CHIC2: variants seen among roughly 807,000 people sequenced by gnomAD.
CHIC2 encodes cysteine rich hydrophobic domain 2.
CHIC2 carries 14 observed loss-of-function variants against 25.9 expected under a neutral mutation model. The ratio of observed to expected loss-of-function variants is 0.54; its 90% CI spans 0.36 to 0.85. The LOEUF is 0.85. Ranked by LOEUF, CHIC2 falls within the 40% of genes least tolerant of loss-of-function variation. The pLI, the probability that CHIC2 is intolerant of heterozygous loss-of-function variation, is 0.01. For missense variants in CHIC2, 146 were observed against 202.0 expected, an observed-to-expected ratio of 0.72 and a Z score of 1.68; for synonymous variants, 70 against 72.0, an observed-to-expected ratio of 0.97 and a Z score of 0.14.
At chr4:54,083,017 TC>T in the CHIC2 span, among the ~76,000 whole-genome samples, 3 of 137,126 alleles carry the variant, frequency 2.2e-5, no homozygotes, top group African/African-American at 8.6e-5. Flanking sequence ...TTTCTTTCTT[TC>T]TTTTTTTTTT....
intron 1 of CHIC2, among the ~76,000 whole-genome samples, chr4:54,057,107 T>A (rs1379629135): frequency 6.6e-6 from 1 of 152,092 alleles, no homozygotes; most frequent in Non-Finnish European, 1.5e-5. Flanking sequence ...AAAACAAACA[T>A]AAGAACTGAG....
At chr4:54,017,297 G>T (rs1715766682) in intron 3 of CHIC2, among the ~76,000 whole-genome samples, 1 of 151,122 alleles carries the variant, frequency 6.6e-6, no homozygotes, top group Non-Finnish European at 1.5e-5. Context: ...ACATGCATCA[G>T]AAAAAAATAT....
At chr4:54,013,945 C>A in intron 4 of CHIC2, 49 bp from the exon 5 acceptor site, 1 of 1,599,500 alleles carries the variant, frequency 6.3e-7, no homozygotes, top group Non-Finnish European at 8.6e-7. Context: ...TATTTTATTG[C>A]AGCACACAGA....
At chr4:54,024,974 G>A (rs577171820) in intron 3 of CHIC2, among the ~76,000 whole-genome samples, 27 of 151,830 alleles carry the variant, frequency 1.8e-4, no homozygotes, top group Middle Eastern at 3.4e-3. Flanking sequence ...AGGTTCCCAC[G>A]CCGCCCCTAA....
chr4:54,018,129 G>T (rs1715796521), intron 3 of CHIC2, among the ~76,000 whole-genome samples: 1 of 152,004 alleles, frequency 6.6e-6, no homozygotes, highest in African/African-American at 2.4e-5. Context: ...AGAACTAAAA[G>T]GGCCTCAGTA....
chr4:54,020,582 A>G, intron 3 of CHIC2, among the ~76,000 whole-genome samples: 1 of 152,158 alleles, frequency 6.6e-6, no homozygotes, highest in East Asian at 1.9e-4. Context: ...TCACTCCATG[A>G]GGAGATCCAC....
chr4:54,013,927 A>C, intron 4 of CHIC2, 31 bp from the exon 5 acceptor site: 1 of 1,610,508 alleles, frequency 6.2e-7, no homozygotes, highest in Non-Finnish European at 8.5e-7. Flanking sequence ...AAGAAGAAAA[A>C]TGAGCTCTAT....
intron 1 of CHIC2, among the ~76,000 whole-genome samples, chr4:54,052,295 G>C (rs1717026932): frequency 6.6e-6 from 1 of 152,004 alleles, no homozygotes; most frequent in Non-Finnish European, 1.5e-5. Flanking sequence ...ACTTAATTTT[G>C]ACAATACCTT....
upstream of CHIC2, among the ~76,000 whole-genome samples, chr4:54,068,780 G>A (rs1717564598): frequency 6.6e-6 from 1 of 152,110 alleles, no homozygotes; most frequent in Non-Finnish European, 1.5e-5. Flanking sequence ...CCTGGAGATA[G>A]CATCAAATCC....
chr4:54,054,574 C>CAGCTCAAA (rs1249998434), intron 1 of CHIC2, among the ~76,000 whole-genome samples: 1 of 152,192 alleles, frequency 6.6e-6, no homozygotes, highest in Non-Finnish European at 1.5e-5. Flanking sequence ...AGATGCTACA[C>CAGCTCAAA]AGCTCAAAAC....
intron 3 of CHIC2, among the ~76,000 whole-genome samples, chr4:54,022,137 T>C (rs548932887): frequency 6.6e-6 from 1 of 152,242 alleles, no homozygotes; most frequent in East Asian, 1.9e-4. Flanking sequence ...GATTCCTCCT[T>C]AGCCGTGTCC....
chr4:54,068,057 A>G (rs1396932269), upstream of CHIC2, among the ~76,000 whole-genome samples: 1 of 152,122 alleles, frequency 6.6e-6, no homozygotes, highest in Non-Finnish European at 1.5e-5. Flanking sequence ...CCTTACAAGA[A>G]GAAATACTAG....
rs144959127 is a variant in CHIC2 at position 54,022,903 on chromosome 4, T to C, written c.331-8784A>G. 9.3e-4 allele frequency among the ~76,000 whole-genome samples: 142 copies of C among 152,306 alleles called. 1 individual carries two copies. The highest frequency in any genetic ancestry group is 5.4e-3 in the Admixed American group (83 of 15,298). ...TCCTTACAATTCCCCCATTTTACCT[T>C]GTCAAAAACCTGACAAGTCTTATAG... On this transcript the variant is annotated intron_variant, in intron 3 of 5. Coordinates refer to ENST00000263921, the MANE Select transcript of CHIC2 (RefSeq NM_012110.4).
At chr4:54,081,874 A>G in the CHIC2 span, among the ~76,000 whole-genome samples, 15 of 152,074 alleles carry the variant, frequency 9.9e-5, no homozygotes, top group Non-Finnish European at 2.1e-4. Context: ...AGTTTTTACC[A>G]TTGGGAAGCA....
chr4:54,066,956 C>G (rs1301832342), upstream of CHIC2, among the ~76,000 whole-genome samples: 1 of 152,246 alleles, frequency 6.6e-6, no homozygotes, highest in Non-Finnish European at 1.5e-5. Context: ...TCTAAATCAT[C>G]ACATAGCTGA....
intron 3 of CHIC2, among the ~76,000 whole-genome samples, chr4:54,020,893 G>A (rs1715876900): frequency 6.6e-6 from 1 of 152,148 alleles, no homozygotes; most frequent in Non-Finnish European, 1.5e-5. Flanking sequence ...TCACTGCAGG[G>A]ACGCCTGCCT....
chr4:54,044,726 C>T (rs1716724901), intron 3 of CHIC2, among the ~76,000 whole-genome samples: 1 of 150,830 alleles, frequency 6.6e-6, no homozygotes, highest in Admixed American at 6.6e-5. Context: ...CCTAACATCA[C>T]AATTAAAAGA....
the CHIC2 span, chr4:54,086,936 G>A: frequency 1.5e-6 from 1 of 674,566 alleles, no homozygotes. Context: ...ATGAGTTCCA[G>A]AAAGCCGGGT....
In CHIC2 at chr4:54,064,163, G is replaced by C. The variant is rs770976783; in HGVS notation, c.119+19C>G. 1 of 1,588,420 alleles carries C rather than the reference G, an allele frequency of 6.3e-7. No individual in the cohort carries two copies. The highest frequency in any genetic ancestry group is 8.6e-7 in the Non-Finnish European group (1 of 1,166,522). Reference sequence around the variant, plus strand: ...ACCCCAGCCCGCACCTCCCGCCCTCGCCCTCCTCCGGGCCTTACACGGTGA... The same window carrying C: ...ACCCCAGCCCGCACCTCCCGCCCTCCCCCTCCTCCGGGCCTTACACGGTGA... On this transcript the variant is annotated intron_variant, in intron 1 of 5. Coordinates refer to ENST00000263921, the MANE Select transcript of CHIC2 (RefSeq NM_012110.4). This position sits in a 1 kb window ranked among gnomAD's most constrained non-coding sequence, Gnocchi z 4.2.
Sources: gnomAD v4.1 joint callset for allele counts (sites outside exome capture counted in the v4.1 genomes callset) on GRCh38, gnomAD v4.1.1 for gene constraint, Gnocchi (gnomAD v3.1) non-coding constraint, MANE v1.5 for transcripts, NCBI Gene and HGNC (gene_info 2026-07-23, HGNC 2026-07-21) for gene names.